DNAJC9: variants seen among roughly 807,000 people sequenced by gnomAD.
DNAJC9 encodes dnaJ homolog subfamily C member 9.
Under a neutral mutation model 32.4 loss-of-function variants are expected in DNAJC9, and 18 were observed. The observed-to-expected ratio is 0.56, with a 90% CI of 0.38 to 0.82. The LOEUF (loss-of-function observed/expected upper bound fraction) is 0.82. Ranked by LOEUF, DNAJC9 falls within the 40% of genes least tolerant of loss-of-function variation. The pLI, the probability that DNAJC9 is intolerant of heterozygous loss-of-function variation, is 0.00. For synonymous variants in DNAJC9, 113 were observed against 122.1 expected (o/e 0.93, Z 0.49); for missense variants, 310 against 321.8 (o/e 0.96, Z 0.28).
chr10:73,235,972 G>T, downstream of DNAJC9, among the ~76,000 whole-genome samples: 1 of 152,144 alleles, frequency 6.6e-6, no homozygotes, highest in African/African-American at 2.4e-5. Context: ...TGTAGGCTGG[G>T]AGCTCGACCC....
downstream of DNAJC9, among the ~76,000 whole-genome samples, chr10:73,239,958 TCTG>T (rs2043904638): frequency 6.6e-6 from 1 of 152,204 alleles, no homozygotes; most frequent in African/African-American, 2.4e-5. Context: ...ACAGTCTCAC[TCTG>T]CTGATCAGGC....
At chr10:73,234,888 T>G (rs1410047241), downstream of DNAJC9, 2 of 1,551,876 alleles carry the variant, frequency 1.3e-6, no homozygotes, top group Non-Finnish European at 1.7e-6. Flanking sequence ...CTACCACCTA[T>G]TGGCACAGCT....
chr10:73,234,942 T>C, downstream of DNAJC9: 1 of 1,551,850 alleles, frequency 6.4e-7, no homozygotes, highest in African/African-American at 1.4e-5. Context: ...AGACAGATGG[T>C]ATGTTTCTTT....
intron 2 of DNAJC9, 44 bp from the exon 3 acceptor site, chr10:73,246,220 T>C (rs769978603): frequency 6.3e-7 from 1 of 1,576,506 alleles, no homozygotes; most frequent in South Asian, 1.2e-5. Context: ...AATTTTACTT[T>C]AAATAAAACG....
chr10:73,234,025 T>C (rs2043767633), downstream of DNAJC9: 2 of 152,216 alleles, frequency 1.3e-5, no homozygotes, highest in Admixed American at 6.5e-5. Context: ...AGCCTCATCA[T>C]GCAAAAATAC....
At chr10:73,238,781 CTTTA>C (rs1205991095), downstream of DNAJC9, 3 of 152,220 alleles carry the variant, frequency 2.0e-5, no homozygotes, top group African/African-American at 7.2e-5. Flanking sequence ...TCATATATAG[CTTTA>C]TTTGATATTT....
rs190062019 is a variant in DNAJC9, at chr10:73,245,541, G to A, written c.576+381C>T. ...CAAACATCTGCACTTTTAACAAGAC[G>A]GTGTCTGCCATTCTCTTCTTACCCC... On this transcript the variant is annotated intron_variant, in intron 3 of 4. Transcript: ENST00000372950. 3.2e-4 allele frequency among the ~76,000 whole-genome samples: 49 copies of A among 152,018 alleles called. 1 individual carries two copies. Among genetic ancestry groups the A allele is most frequent in the Non-Finnish European group, 5.1e-4 (35 of 68,010 alleles).
rs1164879714 is a variant in DNAJC9 at position 73,242,566 on chromosome 10, T to C, written c.*834A>G. On this transcript the variant is annotated 3_prime_UTR_variant, in exon 5 of 5. Coordinates refer to ENST00000372950, the MANE Select transcript of DNAJC9 (RefSeq NM_015190.5). ...CAAATTTGGATTTCACTCTTTGTTT[T>C]GATGTAGTAACTCTTTTATAAAAGG... The C allele has an allele frequency of 6.6e-6, 1 of 152,198 alleles. No individual in the cohort carries two copies. The highest frequency in any genetic ancestry group is 1.9e-4 in the East Asian group (1 of 5,204). The allele number at this position is 152,198 out of a possible 1,614,324, so 9.4% of individuals were successfully genotyped here.
Position 73,243,913 on chromosome 10 carries a change from T to C in DNAJC9, c.593A>G (p.Lys198Arg). The C allele has an allele frequency of 6.2e-7, 1 of 1,614,148 alleles. No homozygotes were observed. The highest frequency in any genetic ancestry group is 1.1e-5 in the South Asian group (1 of 91,068). The stretch of plus-strand genomic sequence containing the variant: ...CTCCTTTCTGCTCATTTCTGCTTCT[T>C]TGGCCTCTTCCTGAGCCTGAAACAG... ...ARKRRAQEEA[K>R]EAEMSRKELG... The change falls in exon 4 of 5, where the codon AAA becomes AGA. Residue 198 changes from lysine to arginine, a missense_variant. By Grantham distance (26) the Lys-to-Arg change is conservative. Transcript: ENST00000372950.
chr10:73,243,551 A>G (rs778117195), intron 4 of DNAJC9, 32 bp from the exon 5 acceptor site: 16 of 1,613,258 alleles, frequency 9.9e-6, no homozygotes, highest in Non-Finnish European at 1.3e-5. Context: ...AAGCTTTCAC[A>G]ACATTATCCA....
At position 73,232,994 on chromosome 10, in the gene DNAJC9, C is replaced by T. The variant is rs144804269; in HGVS notation, n.147+10849G>A. The T allele has an allele frequency of 3.7e-5, 58 of 1,551,998 alleles. 1 individual carries two copies. In the African/African-American group the frequency reaches 6.3e-4, roughly 17 times the overall value. On this transcript the variant is annotated intron_variant and non_coding_transcript_variant, in intron 2 of 2. Coordinates refer to the DNAJC9 transcript ENST00000469143. ...TGGGTCCAGTACCATCCTTTCAACT[C>T]GAAATTGGCCAAATCGAGCTGTGGA...
downstream of DNAJC9, among the ~76,000 whole-genome samples, chr10:73,236,415 T>C (rs2043823178): frequency 1.5e-5 from 2 of 132,008 alleles, no homozygotes; most frequent in Admixed American, 7.1e-5. Flanking sequence ...ATTTCTGCCT[T>C]TTTTTTTTTT....
At chr10:73,246,249 G>A in intron 2 of DNAJC9, 73 bp from the exon 3 acceptor site, 2 of 1,513,044 alleles carry the variant, frequency 1.3e-6, no homozygotes, top group South Asian at 1.2e-5. Context: ...TAAAACTAGA[G>A]TTGGGTGTTG....
At chr10:73,235,044 C>T (rs1432314290), downstream of DNAJC9, 7 of 1,477,924 alleles carry the variant, frequency 4.7e-6, no homozygotes, top group African/African-American at 7.0e-5. Context: ...TGTGTTTTGT[C>T]AAAAGTACAA....
chr10:73,246,767 T>A lies in DNAJC9; in HGVS notation c.242A>T (p.Gln81Leu). 6.2e-7 allele frequency: 1 copy of A among 1,614,164 alleles called. No homozygotes were observed. The highest frequency in any genetic ancestry group is 8.5e-7 in the Non-Finnish European group (1 of 1,179,998). The change falls in exon 2 of 5, where the codon CAG (glutamine) becomes CTG (leucine). Residue 81 changes from glutamine to leucine, a missense_variant. Physicochemically the swap from Gln to Leu is moderately radical, Grantham distance 113. Transcript: ENST00000372950. ...AGGAGAGTCCTCGTCCACTGTTCCC[T>A]GCTCATCGTACACTGCTCTCTGTTC... ...DREQRAVYDE[Q>L]GTVDEDSPVL... is the part of the protein sequence containing the mutation.
rs772913778 is a variant in DNAJC9, at chr10:73,245,990, C to T, written c.508G>A (p.Gly170Arg). ...RNIIQQAIDAGEVPSYNAFVK... is the reference protein window; with the variant it reads ...RNIIQQAIDAREVPSYNAFVK... ...AAGGCATTATAGGATGGGACCTCTCCGGCGTCAATAGCTTGCTGAATGATA... is the reference window on the plus strand; with the variant it reads ...AAGGCATTATAGGATGGGACCTCTCTGGCGTCAATAGCTTGCTGAATGATA... Residue 170 changes from glycine (G) to arginine (R), a missense_variant, in exon 3 of 5, where the codon GGA becomes AGA. Coordinates refer to ENST00000372950, the MANE Select transcript of DNAJC9 (RefSeq NM_015190.5). 18 of 1,613,428 alleles carry T rather than the reference C, an allele frequency of 1.1e-5. No individual in the cohort carries two copies. Among genetic ancestry groups the T allele is most frequent in the African/African-American group, 4.0e-5 (3 of 74,880 alleles).
downstream of DNAJC9, among the ~76,000 whole-genome samples, chr10:73,236,025 G>A (rs1282163282): frequency 1.3e-5 from 2 of 152,168 alleles, no homozygotes; most frequent in South Asian, 2.1e-4. Context: ...AGAGCCTGGG[G>A]AAGTAACCAG....
chr10:73,239,591 T>A (rs773634045), downstream of DNAJC9, among the ~76,000 whole-genome samples: 2 of 152,132 alleles, frequency 1.3e-5, no homozygotes, highest in Non-Finnish European at 2.9e-5. Flanking sequence ...AGCCAAAAAG[T>A]TTCAGATTCC....
intron 2 of DNAJC9, chr10:73,233,232 T>TA (rs34264367): frequency 9.2e-7 from 1 of 1,082,904 alleles, no homozygotes; most frequent in Non-Finnish European, 1.4e-6. Context: ...AGAATTAATT[T>TA]AAATATAAGA....
Sources: allele counts gnomAD v4.1 joint callset (sites outside exome capture counted in the v4.1 genomes callset), GRCh38; gene constraint gnomAD v4.1.1; transcripts MANE v1.5; gene names NCBI Gene and HGNC (gene_info 2026-07-23, HGNC 2026-07-21).